The following MYO3B variants were observed in gnomAD, a reference collection of about 807,000 sequenced individuals.
The protein encoded by MYO3B is myosin-IIIb.
MYO3B carries 156 observed loss-of-function variants against 174.6 expected under a neutral mutation model. The ratio of observed to expected loss-of-function variants is 0.89; its 90% CI spans 0.78 to 1.02. The LOEUF is 1.02. Among genes scored for constraint, MYO3B ranks in the 50% least tolerant of loss-of-function variants. MYO3B has a pLI of 0.00. For synonymous variants in MYO3B, 563 were observed against 569.1 expected, an observed-to-expected ratio of 0.99 and a Z score of 0.15; for missense variants, 1,632 against 1,639.4, an observed-to-expected ratio of 1.00 and a Z score of 0.08.
intron 30 of MYO3B, among the ~76,000 whole-genome samples, chr2:170,524,801 C>T (rs953301767): frequency 5.3e-5 from 8 of 152,078 alleles, no homozygotes; most frequent in Admixed American, 5.2e-4. Flanking sequence ...GAGGGTTTTA[C>T]ACGCATTATC....
Position 170,606,210 on chromosome 2 carries a change from TA to T in MYO3B, c.3734-45408del, listed in dbSNP as rs150393915. Among the ~76,000 whole-genome samples, 5 of 150,608 alleles carry T rather than the reference TA, an allele frequency of 3.3e-5. No individual in the cohort carries two copies. In the East Asian group the frequency reaches 7.8e-4, roughly 23 times the overall value. The stretch of plus-strand genomic sequence containing the variant: ...TTCCTTCCATAGCTTCCCATTGACT[TA>T]AAAAAAAAATTCAAACTGCCTCCCT... On this transcript the variant is annotated intron_variant, in intron 32 of 34. Transcript: ENST00000408978.
rs149028540 is a variant in MYO3B at position 170,336,943 on chromosome 2, C to A, written c.815+1493C>A. Among the ~76,000 whole-genome samples, 9 of 151,804 alleles carry A rather than the reference C, an allele frequency of 5.9e-5. No homozygotes were observed. In the East Asian group the frequency reaches 1.4e-3, roughly 23 times the overall value. ...GTGGAAAAGAACTCAAAGACCCCTG[C>A]TAAGAAAGACTGTGTTGGAACATGA... On this transcript the variant is annotated intron_variant, in intron 8 of 34. Transcript: ENST00000408978.
chr2:170,436,479 A>G (rs528841946), intron 22 of MYO3B, among the ~76,000 whole-genome samples: 12 of 152,274 alleles, frequency 7.9e-5, no homozygotes, highest in Admixed American at 6.5e-5. Flanking sequence ...GATGTCACCA[A>G]TCCTGCTTCA....
chr2:170,467,881 T>G (rs1173493799), intron 25 of MYO3B, among the ~76,000 whole-genome samples: 1 of 151,596 alleles, frequency 6.6e-6, no homozygotes, highest in Non-Finnish European at 1.5e-5. Context: ...GAAATGGCTT[T>G]TTTTTTTTAA....
At chr2:170,551,247 C>A (rs1481135502) in intron 32 of MYO3B, among the ~76,000 whole-genome samples, 1 of 151,962 alleles carries the variant, frequency 6.6e-6, no homozygotes, top group Non-Finnish European at 1.5e-5. Context: ...AACTATGCTA[C>A]TTCTGCTAAC....
chr2:170,536,165 G>C (rs1689670681), intron 30 of MYO3B, among the ~76,000 whole-genome samples: 1 of 152,170 alleles, frequency 6.6e-6, no homozygotes, highest in Non-Finnish European at 1.5e-5. Context: ...CTCACGGTTG[G>C]GGAAAAGCAA....
intron 23 of MYO3B, among the ~76,000 whole-genome samples, chr2:170,453,141 C>T (rs1311292611): frequency 6.6e-6 from 1 of 152,058 alleles, no homozygotes; most frequent in Admixed American, 6.6e-5. Context: ...GGACATAAAA[C>T]AACATGAGAA....
chr2:170,601,981 C>G, intron 32 of MYO3B: 2 of 860,904 alleles, frequency 2.3e-6, no homozygotes, highest in Non-Finnish European at 3.9e-6. Flanking sequence ...TTTTGTCTCC[C>G]CTTTAGGAGG....
At chr2:170,599,987 G>C (rs1330316136) in intron 32 of MYO3B, among the ~76,000 whole-genome samples, 1 of 151,982 alleles carries the variant, frequency 6.6e-6, no homozygotes, top group Non-Finnish European at 1.5e-5. Flanking sequence ...AGCCATAATT[G>C]TTGATTATTT....
At chr2:170,492,062 A>G (rs112509488) in intron 25 of MYO3B, among the ~76,000 whole-genome samples, 9,601 of 152,134 alleles carry the variant, frequency 0.063, 954 homozygotes, top group African/African-American at 0.21. Context: ...TCAAAAAAAA[A>G]AAAAAAAGAT....
intron 6 of MYO3B, among the ~76,000 whole-genome samples, chr2:170,220,222 C>T (rs2092880168): frequency 6.6e-6 from 1 of 151,980 alleles, no homozygotes; most frequent in African/African-American, 2.4e-5. Flanking sequence ...TGTGCCACTG[C>T]ACTCCAGCCT....
intron 32 of MYO3B, among the ~76,000 whole-genome samples, chr2:170,550,730 T>C (rs1001387369): frequency 2.0e-5 from 3 of 152,336 alleles, no homozygotes; most frequent in African/African-American, 2.4e-5. Flanking sequence ...ACATGTTGAG[T>C]GTCCTCCTGT....
intron 1 of MYO3B, among the ~76,000 whole-genome samples, chr2:170,196,839 C>A (rs1318598093): frequency 6.6e-6 from 1 of 152,096 alleles, no homozygotes; most frequent in Non-Finnish European, 1.5e-5. Context: ...CTTTGCAAAG[C>A]TAATGAGAGA....
chr2:170,261,368 C>T (rs550943315), intron 7 of MYO3B, among the ~76,000 whole-genome samples: 4 of 152,256 alleles, frequency 2.6e-5, no homozygotes, highest in Non-Finnish European at 4.4e-5. Context: ...CATAGCTAGA[C>T]CCTGTCTCTA....
At chr2:170,228,121 C>T (rs1011619063) in intron 6 of MYO3B, among the ~76,000 whole-genome samples, 3 of 152,104 alleles carry the variant, frequency 2.0e-5, no homozygotes, top group Admixed American at 6.5e-5. Context: ...GGGTTCATAG[C>T]GTAGATGTTA....
intron 7 of MYO3B, among the ~76,000 whole-genome samples, chr2:170,304,264 C>A (rs573852198): frequency 1.3e-5 from 2 of 151,938 alleles, no homozygotes; most frequent in African/African-American, 4.8e-5. Context: ...TATGAAAACA[C>A]CATTTTCTTA....
At chr2:170,329,851 T>C (rs1220636089) in intron 7 of MYO3B, among the ~76,000 whole-genome samples, 3 of 152,186 alleles carry the variant, frequency 2.0e-5, no homozygotes, top group African/African-American at 7.2e-5. Flanking sequence ...GACACACGAC[T>C]AACTATTCAA....
chr2:170,255,229 G>T (rs1296098454), intron 7 of MYO3B, among the ~76,000 whole-genome samples: 2 of 152,152 alleles, frequency 1.3e-5, no homozygotes, highest in Admixed American at 6.5e-5. Flanking sequence ...AGTAGAGCCC[G>T]CCAGGGTCCC....
chr2:170,364,303 C>T (rs1400942719), intron 8 of MYO3B, among the ~76,000 whole-genome samples: 1 of 152,076 alleles, frequency 6.6e-6, no homozygotes, highest in African/African-American at 2.4e-5. Flanking sequence ...TTAACCCTAG[C>T]TCTTGTAAGA....
Sources: gnomAD v4.1 joint callset for allele counts (sites outside exome capture counted in the v4.1 genomes callset) on GRCh38, gnomAD v4.1.1 for gene constraint, MANE v1.5 for transcripts, NCBI Gene and HGNC (gene_info 2026-07-23, HGNC 2026-07-21) for gene names.